Variants in CPNE4 observed in about 807,000 individuals in gnomAD.
CPNE4 encodes copine 4.
CPNE4 carries 25 observed loss-of-function variants against 67.9 expected under a neutral mutation model. The observed-to-expected ratio is 0.37, with a 90% CI of 0.27 to 0.51. The LOEUF (loss-of-function observed/expected upper bound fraction) is 0.51, where lower values mean the gene tolerates loss of function less well. Ranked by LOEUF, CPNE4 falls within the 20% of genes least tolerant of loss-of-function variation. The probability of loss-of-function intolerance (pLI) is 0.93; values close to 1 mark genes in which losing one functional copy is unlikely to be tolerated. For missense variants in CPNE4, 464 were observed against 690.8 expected (o/e 0.67, Z 3.68); for synonymous variants, 242 against 244.9 (o/e 0.99, Z 0.11).
At chr3:131,738,786 AT>A (rs2082294746) in intron 2 of CPNE4, among the ~76,000 whole-genome samples, 6 of 151,854 alleles carry the variant, frequency 4.0e-5, no homozygotes. Context: ...ATTTTTCTTG[AT>A]TCAATGCAAA....
intron 1 of CPNE4, among the ~76,000 whole-genome samples, chr3:132,023,456 A>G (rs912389203): frequency 1.3e-5 from 2 of 150,960 alleles, no homozygotes; most frequent in Non-Finnish European, 2.9e-5. Flanking sequence ...ATATTTCAAA[A>G]GGCAATTGCA....
intron 2 of CPNE4, among the ~76,000 whole-genome samples, chr3:131,811,229 G>A (rs962727107): frequency 2.0e-5 from 3 of 151,988 alleles, no homozygotes; most frequent in African/African-American, 7.2e-5. Flanking sequence ...AATAAAGGAG[G>A]TGGGAGAAAA....
At chr3:131,917,160 T>C (rs979577710) in intron 1 of CPNE4, among the ~76,000 whole-genome samples, 5 of 152,146 alleles carry the variant, frequency 3.3e-5, no homozygotes, top group South Asian at 2.1e-4. Context: ...TTGGGGACAA[T>C]ATTGGAGCAA....
intron 1 of CPNE4, among the ~76,000 whole-genome samples, chr3:131,946,856 C>T (rs979433614): frequency 6.6e-6 from 1 of 151,970 alleles, no homozygotes; most frequent in Non-Finnish European, 1.5e-5. Flanking sequence ...GGTGTGTGAT[C>T]TATTTTGAGT....
intron 2 of CPNE4, among the ~76,000 whole-genome samples, chr3:131,770,703 T>C (rs1384288978): frequency 2.0e-5 from 3 of 152,218 alleles, no homozygotes; most frequent in Non-Finnish European, 4.4e-5. Flanking sequence ...CAAAGGCAAT[T>C]TCTAAAGTTG....
intron 2 of CPNE4, among the ~76,000 whole-genome samples, chr3:131,897,225 A>G (rs1196599731): frequency 6.6e-6 from 1 of 152,104 alleles, no homozygotes; most frequent in African/African-American, 2.4e-5. Flanking sequence ...TTGGAGACAC[A>G]AAGATCTGAG....
At chr3:131,996,290 T>C (rs2073291340) in intron 1 of CPNE4, among the ~76,000 whole-genome samples, 1 of 151,826 alleles carries the variant, frequency 6.6e-6, no homozygotes, top group Non-Finnish European at 1.5e-5. Flanking sequence ...TGGAAGAACA[T>C]GGAGAGTAGG....
At chr3:131,753,350 T>C (rs538073794) in intron 2 of CPNE4, among the ~76,000 whole-genome samples, 1 of 152,150 alleles carries the variant, frequency 6.6e-6, no homozygotes, top group Non-Finnish European at 1.5e-5. Context: ...TAACTACACA[T>C]GTATATGTTA....
At chr3:132,031,825 G>T (rs536193167) in intron 1 of CPNE4, among the ~76,000 whole-genome samples, 1 of 152,006 alleles carries the variant, frequency 6.6e-6, no homozygotes, top group South Asian at 2.1e-4. Context: ...GTCTGTGATT[G>T]TTTCTTATAG....
At chr3:131,922,006 C>T (rs61302457) in intron 1 of CPNE4, among the ~76,000 whole-genome samples, 273 of 152,218 alleles carry the variant, frequency 1.8e-3, no homozygotes, top group African/African-American at 5.8e-3. Flanking sequence ...TGCTAAGGTT[C>T]GGAGTGTGAT....
chr3:131,936,348 A>G (rs150795231), intron 1 of CPNE4, among the ~76,000 whole-genome samples: 1 of 152,214 alleles, frequency 6.6e-6, no homozygotes, highest in African/African-American at 2.4e-5. Flanking sequence ...CAGAAGACAT[A>G]TCCCTTTTTT....
At chr3:131,765,136 G>A (rs1387258828) in intron 2 of CPNE4, among the ~76,000 whole-genome samples, 1 of 152,038 alleles carries the variant, frequency 6.6e-6, no homozygotes, top group Non-Finnish European at 1.5e-5. Context: ...CGTGACATTA[G>A]GATTGTTATG....
chr3:132,008,997 A>C (rs576176670), intron 1 of CPNE4, among the ~76,000 whole-genome samples: 1 of 152,302 alleles, frequency 6.6e-6, no homozygotes, highest in African/African-American at 2.4e-5. Flanking sequence ...ATTTTGGCCT[A>C]TAACTCTCAA....
chr3:131,845,682 TAATA>T (rs1474999601), intron 2 of CPNE4, among the ~76,000 whole-genome samples: 7 of 152,158 alleles, frequency 4.6e-5, no homozygotes, highest in African/African-American at 1.7e-4. Context: ...AATAAGCACT[TAATA>T]AACATGTTGA....
At chr3:131,909,209 A>T (rs374415544) in intron 1 of CPNE4, among the ~76,000 whole-genome samples, 9 of 152,314 alleles carry the variant, frequency 5.9e-5, no homozygotes, top group African/African-American at 1.9e-4. Context: ...CAAGTCAGAC[A>T]GTAAAACAAT....
At position 131,844,278 on chromosome 3, in the gene CPNE4, C is replaced by T. The variant is rs1210934064; in HGVS notation, c.180+60986G>A. Among the ~76,000 whole-genome samples, 33 of 145,192 alleles carry T rather than the reference C, an allele frequency of 2.3e-4. No homozygotes were observed. In the South Asian group the frequency reaches 2.4e-3, roughly 11 times the overall value. ...TATGTTCTTTTTTTTTTTTTTTTTC[C>T]GAGATGGAGTCTCGCTCCGTCACCC... On this transcript the variant is annotated intron_variant, in intron 2 of 15. Coordinates refer to ENST00000429747, the MANE Select transcript of CPNE4 (RefSeq NM_130808.3).
At chr3:131,650,094 C>G (rs1204082350) in intron 7 of CPNE4, among the ~76,000 whole-genome samples, 1 of 151,326 alleles carries the variant, frequency 6.6e-6, no homozygotes, top group African/African-American at 2.4e-5. Context: ...GAGTTTCTGA[C>G]TTCAGGGAAA....
chr3:131,944,346 G>A (rs1388031552), intron 1 of CPNE4, among the ~76,000 whole-genome samples: 6 of 152,034 alleles, frequency 3.9e-5, no homozygotes, highest in Non-Finnish European at 7.4e-5. Context: ...GGAAGAGATG[G>A]GCTGCTGAGT....
At chr3:131,870,054 G>T (rs2087127229) in intron 2 of CPNE4, among the ~76,000 whole-genome samples, 2 of 152,092 alleles carry the variant, frequency 1.3e-5, no homozygotes, top group Admixed American at 1.3e-4. Flanking sequence ...AGATAGGGAA[G>T]GTTCCTCAAG....
Sources: gnomAD v4.1 joint callset for allele counts (sites outside exome capture counted in the v4.1 genomes callset) on GRCh38, gnomAD v4.1.1 for gene constraint, MANE v1.5 for transcripts, NCBI Gene and HGNC (gene_info 2026-07-23, HGNC 2026-07-21) for gene names.